Variants in ZBTB16 observed in about 807,000 individuals in gnomAD.
ZBTB16 encodes zinc finger and BTB domain-containing protein 16.
A neutral mutation model predicts 56.8 loss-of-function variants in ZBTB16; 8 were observed. The observed-to-expected ratio is 0.14, with a 90% CI of 0.08 to 0.25. The LOEUF (loss-of-function observed/expected upper bound fraction) is 0.25. ZBTB16 is among the 10% of genes least tolerant of loss of function. The probability of loss-of-function intolerance (pLI) is 1.00; values close to 1 mark genes in which losing one functional copy is unlikely to be tolerated. For synonymous variants in ZBTB16, 363 were observed against 368.5 expected (o/e 0.98, Z 0.17); for missense variants, 625 against 903.0 (o/e 0.69, Z 3.95).
intron 3 of ZBTB16, among the ~76,000 whole-genome samples, chr11:114,173,523 C>A (rs1230382784): frequency 6.6e-6 from 1 of 152,218 alleles, no homozygotes; most frequent in Non-Finnish European, 1.5e-5. Context: ...AAGGAACTGA[C>A]AACTCTGGAG....
intron 2 of ZBTB16, among the ~76,000 whole-genome samples, chr11:114,110,895 G>T (rs990187516): frequency 6.6e-6 from 1 of 152,136 alleles, no homozygotes; most frequent in Non-Finnish European, 1.5e-5. Flanking sequence ...CACATGCTGT[G>T]CTTAAATATT....
Position 114,228,895 on chromosome 11 carries a change from C to G in ZBTB16, c.1454-13272C>G, listed in dbSNP as rs556234381. ...GTACAGTATCTTCCTGGTGTGAATG[C>G]AGGCCTGGCGGGCGCCCTGGTGTCA... On this transcript the variant is annotated intron_variant, in intron 4 of 6. Transcript: ENST00000335953. 2.0e-5 allele frequency among the ~76,000 whole-genome samples: 3 copies of G among 152,312 alleles called. No homozygotes were observed. The South Asian group carries it at 6.2e-4, about 32-fold the overall frequency.
intron 3 of ZBTB16, among the ~76,000 whole-genome samples, chr11:114,163,659 C>A (rs545778229): frequency 2.2e-4 from 34 of 152,206 alleles, no homozygotes; most frequent in African/African-American, 7.7e-4. Flanking sequence ...CTCTCCCACC[C>A]CTTCACCTAC....
intron 2 of ZBTB16, among the ~76,000 whole-genome samples, chr11:114,120,529 C>T (rs986595134): frequency 2.0e-5 from 3 of 152,140 alleles, no homozygotes; most frequent in African/African-American, 7.2e-5. Context: ...GAAATCCTGA[C>T]TCCTTAGATC....
chr11:114,187,381 G>A (rs575188555), intron 4 of ZBTB16: 17 of 332,744 alleles, frequency 5.1e-5, no homozygotes, highest in Middle Eastern at 1.9e-3. Context: ...TCTTCCCTTG[G>A]TCAGGAAATC....
intron 4 of ZBTB16, among the ~76,000 whole-genome samples, chr11:114,193,677 G>A (rs900088566): frequency 2.0e-5 from 3 of 152,138 alleles, no homozygotes; most frequent in East Asian, 1.9e-4. Context: ...GACAGGGAGC[G>A]CTGAAAATGT....
chr11:114,223,349 GACTCAGAAGCCTGCA>G (rs1291850423), intron 4 of ZBTB16, among the ~76,000 whole-genome samples: 1 of 152,130 alleles, frequency 6.6e-6, no homozygotes, highest in Non-Finnish European at 1.5e-5. Flanking sequence ...GGAATATACG[GACTCAGAAGCCTGCA>G]ACTCATAGGG....
chr11:114,176,643 G>A (rs185646412), intron 3 of ZBTB16, among the ~76,000 whole-genome samples: 228 of 152,292 alleles, frequency 1.5e-3, no homozygotes, highest in African/African-American at 5.2e-3. Flanking sequence ...GTACGGCCAC[G>A]TTTAACTTTC....
At position 114,159,934 on chromosome 11, in the gene ZBTB16, A is replaced by T. The variant is rs963661813; in HGVS notation, c.1366+3500A>T. Among the ~76,000 whole-genome samples, 4 of 50,622 alleles carry T rather than the reference A, an allele frequency of 7.9e-5. 1 individual carries two copies. The highest frequency in any genetic ancestry group is 7.3e-4 in the African/African-American group (3 of 4,082). 33.2% of individuals were successfully genotyped at this position (50,622 alleles called of 152,430 possible). ...GTTGCTCCAGAACCCTGGGCGGGGG[A>T]GGCGGGGGGGAGGCGAGCATTTTTT... On this transcript the variant is annotated intron_variant, in intron 3 of 6. Coordinates refer to ENST00000335953, the MANE Select transcript of ZBTB16 (RefSeq NM_006006.6).
At chr11:114,074,741 C>A (rs1244721760) in intron 2 of ZBTB16, among the ~76,000 whole-genome samples, 1 of 152,262 alleles carries the variant, frequency 6.6e-6, no homozygotes, top group Admixed American at 6.5e-5. Context: ...GCTTTATGGT[C>A]AGGAGAACTT....
At chr11:114,075,629 G>GTGTATATATATATATATATATATATA (rs142761461) in intron 2 of ZBTB16, among the ~76,000 whole-genome samples, 2 of 141,026 alleles carry the variant, frequency 1.4e-5, no homozygotes, top group African/African-American at 5.8e-5. Context: ...GCTAATTTTT[G>GTGTATATATATATATATATATATATA]TATATATATA....
At chr11:114,124,627 T>TG (rs1220834399) in intron 2 of ZBTB16, among the ~76,000 whole-genome samples, 1 of 150,290 alleles carries the variant, frequency 6.7e-6, no homozygotes, top group African/African-American at 2.4e-5. Flanking sequence ...TCCATAGCAC[T>TG]GAGAAGACCT....
intron 2 of ZBTB16, among the ~76,000 whole-genome samples, chr11:114,129,354 T>C (rs1265353347): frequency 6.6e-6 from 1 of 152,246 alleles, no homozygotes; most frequent in East Asian, 1.9e-4. Flanking sequence ...AGAGAACCCT[T>C]GGAGTAGGAT....
At chr11:114,214,698 G>A (rs76018413) in intron 4 of ZBTB16, among the ~76,000 whole-genome samples, 1,822 of 152,242 alleles carry the variant, frequency 0.012, 31 homozygotes, top group African/African-American at 0.042. Flanking sequence ...CCGCCTCCCG[G>A]GTTCAAGCGA....
chr11:114,104,697 C>T (rs1305645325), intron 2 of ZBTB16, among the ~76,000 whole-genome samples: 2 of 152,244 alleles, frequency 1.3e-5, no homozygotes, highest in Non-Finnish European at 2.9e-5. Context: ...CAACTCACCA[C>T]AGGACTCAGC....
At chr11:114,176,604 C>T (rs768197972) in intron 3 of ZBTB16, among the ~76,000 whole-genome samples, 11 of 152,202 alleles carry the variant, frequency 7.2e-5, no homozygotes, top group Non-Finnish European at 1.5e-4. Context: ...CTTCCAAACA[C>T]CAAGGGTTGT....
intron 2 of ZBTB16, among the ~76,000 whole-genome samples, chr11:114,082,566 G>A (rs1370071564): frequency 6.6e-6 from 1 of 152,172 alleles, no homozygotes; most frequent in African/African-American, 2.4e-5. Context: ...ACATCCACTA[G>A]GCATGTGTCT....
intron 5 of ZBTB16, among the ~76,000 whole-genome samples, chr11:114,243,883 A>G (rs1944763398): frequency 6.6e-6 from 1 of 152,162 alleles, no homozygotes; most frequent in Admixed American, 6.5e-5. Context: ...GAGCTCAGAT[A>G]TGAAAATGTC....
At position 114,253,043 on chromosome 11, in the gene ZBTB16, G is replaced by T. The variant is rs956441549; in HGVS notation, c.*2488G>T. ...TAATGTGAAAAGGGTGAAATCATTT[G>T]GGGGAGGGGCCGTCTGTAAGAAATC... On this transcript the variant is annotated 3_prime_UTR_variant, in exon 7 of 7. Transcript: ENST00000335953. Among the ~76,000 whole-genome samples, 3 of 152,162 alleles carry T rather than the reference G, an allele frequency of 2.0e-5. No individual in the cohort carries two copies. Among genetic ancestry groups the T allele is most frequent in the African/African-American group, 7.2e-5 (3 of 41,426 alleles).
Sources: allele counts gnomAD v4.1 joint callset (sites outside exome capture counted in the v4.1 genomes callset), GRCh38; gene constraint gnomAD v4.1.1; transcripts MANE v1.5; gene names NCBI Gene and HGNC (gene_info 2026-07-23, HGNC 2026-07-21).